Variants in COL11A2 observed in about 807,000 individuals in gnomAD.
COL11A2 encodes the protein collagen type XI alpha 2 chain.
A neutral mutation model predicts 273.4 loss-of-function variants in COL11A2; 116 were observed. That is an observed-to-expected ratio of 0.42 (90% CI 0.36 to 0.49). The LOEUF (loss-of-function observed/expected upper bound fraction) is 0.49. Among genes scored for constraint, COL11A2 ranks in the 20% least tolerant of loss-of-function variants. The pLI is 0.00. For missense variants in COL11A2, 1,866 were observed against 2,309.0 expected (o/e 0.81, Z 3.93); for synonymous variants, 782 against 864.2 (o/e 0.90, Z 1.67).
At chr6:33,185,093 G>A (rs115094257) in intron 6 of COL11A2, 39 bp from the exon 7 acceptor site, 46 of 1,464,762 alleles carry the variant, frequency 3.1e-5, no homozygotes, top group Non-Finnish European at 4.2e-5. Context: ...AGCACGGGGT[G>A]GGAAGGAAGG....
At position 33,176,318 on chromosome 6, in the gene COL11A2, G is replaced by A. The variant is rs1308600101; in HGVS notation, c.2170-15C>T. 6.2e-7 allele frequency: 1 copy of A among 1,604,212 alleles called. No homozygotes were observed. The highest frequency in any genetic ancestry group is 1.7e-5 in the Admixed American group (1 of 58,482). ...CCGTCCACACCCTAGAATTAGAGAG[G>A]GGATAGAAGTAGACTGATCAGGGGA... On this transcript the variant is annotated splice_polypyrimidine_tract_variant and intron_variant, in intron 27 of 65. Transcript: ENST00000341947. The surrounding 1 kb of genome is among the most constrained non-coding windows in gnomAD (Gnocchi z 4.9).
At position 33,188,566 on chromosome 6, in the gene COL11A2, T is replaced by G. The variant is rs774731018; in HGVS notation, c.444-42A>C. 3.7e-6 allele frequency: 6 copies of G among 1,611,832 alleles called. No homozygotes were observed. In the East Asian group the frequency reaches 1.1e-4, roughly 30 times the overall value. ...AGGTTCAAGTGAACTCTTGGCTGAC[T>G]GAAGTAGGGGAGTCAACATGGTTGG... On this transcript the variant is annotated intron_variant, in intron 3 of 65. Coordinates refer to ENST00000341947, the MANE Select transcript of COL11A2 (RefSeq NM_080680.3).
At chr6:33,168,788 G>T in intron 52 of COL11A2, 29 bp from the exon 53 acceptor site, 1 of 1,597,756 alleles carries the variant, frequency 6.3e-7, no homozygotes, top group Non-Finnish European at 8.5e-7. Context: ...GTCAGAGGTG[G>T]GCCCCCAACC....
At chr6:33,174,660 A>G (rs761809341) in intron 30 of COL11A2, 80 bp from the exon 31 acceptor site, 175 of 1,382,958 alleles carry the variant, frequency 1.3e-4, no homozygotes, top group Non-Finnish European at 1.6e-4. Context: ...ACCCTCACAT[A>G]TAACAGCCAG....
intron 5 of COL11A2, chr6:33,186,375 C>T: frequency 7.1e-7 from 1 of 1,407,542 alleles, no homozygotes; most frequent in Non-Finnish European, 9.2e-7. Flanking sequence ...GAAGGGAAAA[C>T]CCAGGGACAC....
rs766343381 is a variant in COL11A2, at chr6:33,163,866, C to G, written c.5071-48G>C. ...AAGTGTGAGCAGGATGGAGGCACCC[C>G]CCACCCTCTAACCTCAGGCCCAGGC... is the stretch of plus-strand genomic sequence containing the variant. On this transcript the variant is annotated intron_variant, in intron 65 of 65. Coordinates refer to ENST00000341947, the MANE Select transcript of COL11A2 (RefSeq NM_080680.3). This position sits in a 1 kb window ranked among gnomAD's most constrained non-coding sequence, Gnocchi z 4.1. The G allele has an allele frequency of 6.2e-6, 10 of 1,612,624 alleles. No individual in the cohort carries two copies. The highest frequency in any genetic ancestry group is 5.5e-5 in the South Asian group (5 of 91,048).
chr6:33,170,519 C>T lies in COL11A2; in HGVS notation c.3528+38G>A, dbSNP rs1415303419. The T allele has an allele frequency of 1.2e-6, 2 of 1,609,968 alleles. No homozygotes were observed. Among genetic ancestry groups the T allele is most frequent in the Non-Finnish European group, 1.7e-6 (2 of 1,178,196 alleles). ...GGGGGCTGGCCAGGGAGGGGGGTGA[C>T]TAGTATGGTGGCTAGGGTCAGTAGG... On this transcript the variant is annotated intron_variant, in intron 47 of 65. Coordinates refer to ENST00000341947, the MANE Select transcript of COL11A2 (RefSeq NM_080680.3). This position sits in a 1 kb window ranked among gnomAD's most constrained non-coding sequence, Gnocchi z 4.3.
At chr6:33,168,322 C>G (rs1018338360) in intron 54 of COL11A2, among the ~76,000 whole-genome samples, 197 bp downstream of exon 54, 1 of 150,882 alleles carries the variant, frequency 6.6e-6, no homozygotes, top group African/African-American at 2.4e-5. Flanking sequence ...CTTAAACCCA[C>G]CAGCTCCTGC....
rs762997434 is a variant in COL11A2, at chr6:33,166,563, T to A, written c.4342A>T (p.Ile1448Phe). The change falls in exon 60 of 66, where the codon ATC (isoleucine) becomes TTC (phenylalanine). Residue 1448 changes from isoleucine to phenylalanine, a missense_variant. Ile to Phe is a conservative substitution (Grantham distance 21, BLOSUM62 0). Transcript: ENST00000341947. This position sits in a 1 kb window ranked among gnomAD's most constrained non-coding sequence, Gnocchi z 4.8. ...CCAATGGGGCCGGATGCTCCTGGGA[T>A]ACCCTAGGAAGGGTAGTGGCTGGTT... is the stretch of plus-strand genomic sequence containing the variant. Reference protein sequence around the residue: ...GSPGQKGEMGIPGASGPIGPG... With the variant: ...GSPGQKGEMGFPGASGPIGPG... 1.2e-6 allele frequency: 2 copies of A among 1,613,796 alleles called. No homozygotes were observed. Among genetic ancestry groups the A allele is most frequent in the South Asian group, 1.1e-5 (1 of 91,078 alleles).
rs2150622773 is a variant in COL11A2 at position 33,188,998 on chromosome 6, G to A, written c.423C>T (p.Gly141=). Residue 141 remains glycine, a synonymous_variant, in exon 3 of 66, where the codon GGC becomes GGT. Coordinates refer to ENST00000341947, the MANE Select transcript of COL11A2 (RefSeq NM_080680.3). ...PQPPSQPVFR[G]LSLADGKWHR... ...CTTACTTGCCATCTGCTAGGCTGAG[G>A]CCTCGGAAGACTGGCTGAGAGGGAG... is the stretch of plus-strand genomic sequence containing the variant. 1.2e-6 allele frequency: 2 copies of A among 1,614,206 alleles called. No individual in the cohort carries two copies. The highest frequency in any genetic ancestry group is 1.7e-6 in the Non-Finnish European group (2 of 1,180,040).
At position 33,167,779 on chromosome 6, in the gene COL11A2, T is replaced by TAG; in HGVS notation, c.4014+18_4014+19dup. Reference sequence around the variant, plus strand: ...GGAGGCGGAGGGGATGCTCCAGCACTAGGGCAGCCTGTCCCTCACCTTGGC... The same window carrying TAG: ...GGAGGCGGAGGGGATGCTCCAGCACTAGAGGGCAGCCTGTCCCTCACCTTGGC... On this transcript the variant is annotated intron_variant, in intron 55 of 65. Transcript: ENST00000341947. This position sits in a 1 kb window ranked among gnomAD's most constrained non-coding sequence, Gnocchi z 6.1. 1 of 1,612,566 alleles carries TAG rather than the reference T, an allele frequency of 6.2e-7. No homozygotes were observed. Among genetic ancestry groups the TAG allele is most frequent in the Non-Finnish European group, 8.5e-7 (1 of 1,179,836 alleles).
intron 3 of COL11A2, 94 bp from the exon 4 acceptor site, chr6:33,188,618 T>A: frequency 7.0e-7 from 1 of 1,419,750 alleles, no homozygotes; most frequent in Non-Finnish European, 9.9e-7. Flanking sequence ...TTGAAGCCAA[T>A]GGTGATAAGA....
At position 33,163,885 on chromosome 6, in the gene COL11A2, C is replaced by T; in HGVS notation, c.5071-67G>A. ...GCACCCCCCACCCTCTAACCTCAGG[C>T]CCAGGCTCACCTCTCCTCTGAGCAC... is the stretch of plus-strand genomic sequence containing the variant. On this transcript the variant is annotated intron_variant, in intron 65 of 65. Coordinates refer to ENST00000341947, the MANE Select transcript of COL11A2 (RefSeq NM_080680.3). The surrounding 1 kb of genome is among the most constrained non-coding windows in gnomAD (Gnocchi z 4.1). 6.2e-7 allele frequency: 1 copy of T among 1,610,064 alleles called. No individual in the cohort carries two copies. Among genetic ancestry groups the T allele is most frequent in the Non-Finnish European group, 8.5e-7 (1 of 1,177,620 alleles).
Position 33,178,535 on chromosome 6 carries a change from C to A in COL11A2, c.1720-47G>T. On this transcript the variant is annotated intron_variant, in intron 18 of 65. Coordinates refer to ENST00000341947, the MANE Select transcript of COL11A2 (RefSeq NM_080680.3). This position sits in a 1 kb window ranked among gnomAD's most constrained non-coding sequence, Gnocchi z 4.6. ...AAGAGGGGCTTCAGAGCCCCCAACACAGGCAGACACCGAACCTCTGCACTT... is the reference window on the plus strand; with the variant it reads ...AAGAGGGGCTTCAGAGCCCCCAACAAAGGCAGACACCGAACCTCTGCACTT... The A allele has an allele frequency of 6.2e-7, 1 of 1,611,642 alleles. No homozygotes were observed. The highest frequency in any genetic ancestry group is 8.5e-7 in the Non-Finnish European group (1 of 1,178,832).
At position 33,189,329 on chromosome 6, in the gene COL11A2, G is replaced by T. The variant is rs746195074; in HGVS notation, c.223C>A (p.Leu75Ile). 6.2e-7 allele frequency: 1 copy of T among 1,613,758 alleles called. No individual in the cohort carries two copies. Among genetic ancestry groups the T allele is most frequent in the Non-Finnish European group, 8.5e-7 (1 of 1,180,024 alleles). Residue 75 changes from leucine (L) to isoleucine (I), a missense_variant, in exon 2 of 66, where the codon CTT (leucine) becomes ATT (isoleucine). Transcript: ENST00000341947. This position sits in a 1 kb window ranked among gnomAD's most constrained non-coding sequence, Gnocchi z 5.6. ...PAQLSAPTRQLFPGGFPKDFS... is the reference protein window; with the variant it reads ...PAQLSAPTRQIFPGGFPKDFS... ...ACCATGTCACCCATACCTGGGAAAAGCTGGCGAGTGGGTGCACTGAGCTGG... is the reference window on the plus strand; with the variant it reads ...ACCATGTCACCCATACCTGGGAAAATCTGGCGAGTGGGTGCACTGAGCTGG...
Position 33,186,732 on chromosome 6 carries a change from G to A in COL11A2, c.693C>T (p.Gly231=), listed in dbSNP as rs537656922. The stretch of plus-strand genomic sequence containing the variant: ...GTTGGTTTTGGGGTCTTTCCCTCTG[G>A]CCCCCCTCGCATTCCAGCTCCTTCT... ...CEQKELECEG[G]QRERPQNQQP... The change falls in exon 5 of 66, where the codon GGC becomes GGT. Residue 231 remains glycine, a synonymous_variant. Transcript: ENST00000341947. 1.4e-5 allele frequency: 23 copies of A among 1,614,050 alleles called. 1 individual carries two copies. In the South Asian group the frequency reaches 2.5e-4, roughly 18 times the overall value.
At position 33,167,683 on chromosome 6, in the gene COL11A2, C is replaced by G; in HGVS notation, c.4014+116G>C. The stretch of plus-strand genomic sequence containing the variant: ...AGGAACAAGTACAGGGAACGCCTGT[C>G]CCCATAAGGGCCCAACATGGGAGAG... On this transcript the variant is annotated intron_variant, in intron 55 of 65. Coordinates refer to ENST00000341947, the MANE Select transcript of COL11A2 (RefSeq NM_080680.3). The surrounding 1 kb of genome is among the most constrained non-coding windows in gnomAD (Gnocchi z 6.1). 1 of 1,470,900 alleles carries G rather than the reference C, an allele frequency of 6.8e-7. No individual in the cohort carries two copies. Among genetic ancestry groups the G allele is most frequent in the Non-Finnish European group, 9.4e-7 (1 of 1,062,718 alleles). The allele number at this position is 1,470,900 out of a possible 1,614,324, so 91.1% of individuals were successfully genotyped here.
In COL11A2 at chr6:33,179,258, T is replaced by G. The variant is rs1771372494; in HGVS notation, c.1530A>C (p.Lys510Asn). Residue 510 changes from lysine (K) to asparagine (N), a missense_variant, in exon 15 of 66, where the codon AAA becomes AAC. By Grantham distance (94) the Lys-to-Asn change is moderately conservative (BLOSUM62 0). Transcript: ENST00000341947. This position sits in a 1 kb window ranked among gnomAD's most constrained non-coding sequence, Gnocchi z 6.4. ...GAGGTCCTAAGTCTCCAGACTCTCC[T>G]TTCAGGCCAGGGCTCCCAGGTTGGC... is the stretch of plus-strand genomic sequence containing the variant. ...PLGQPGSPGL[K>N]GESGDLGPQG... The G allele has an allele frequency of 6.2e-7, 1 of 1,611,660 alleles. No individual in the cohort carries two copies. Among genetic ancestry groups the G allele is most frequent in the African/African-American group, 1.3e-5 (1 of 74,782 alleles).
chr6:33,182,399 G>T (rs1016974578), intron 8 of COL11A2, among the ~76,000 whole-genome samples: 2 of 151,984 alleles, frequency 1.3e-5, no homozygotes, highest in Non-Finnish European at 2.9e-5. Flanking sequence ...TGCCCCAAAG[G>T]TTAAGCATCC....
Sources: gnomAD v4.1 joint callset for allele counts (sites outside exome capture counted in the v4.1 genomes callset) on GRCh38, gnomAD v4.1.1 for gene constraint, Gnocchi (gnomAD v3.1) non-coding constraint, MANE v1.5 for transcripts, NCBI Gene and HGNC (gene_info 2026-07-23, HGNC 2026-07-21) for gene names.